Variants in EPHA4 observed in about 807,000 individuals in gnomAD.
The protein encoded by EPHA4 is EPH receptor A4.
EPHA4 carries 19 observed loss-of-function variants against 108.3 expected under a neutral mutation model. The ratio of observed to expected loss-of-function variants is 0.18; its 90% CI spans 0.12 to 0.26. The LOEUF (loss-of-function observed/expected upper bound fraction) is 0.26, where lower values mean the gene tolerates loss of function less well. Ranked by LOEUF, EPHA4 falls within the 10% of genes least tolerant of loss-of-function variation. The pLI, the probability that EPHA4 is intolerant of heterozygous loss-of-function variation, is 1.00. For synonymous variants in EPHA4, 449 were observed against 455.5 expected (o/e 0.99, Z 0.18); for missense variants, 917 against 1,254.0 (o/e 0.73, Z 4.06).
intron 3 of EPHA4, among the ~76,000 whole-genome samples, chr2:221,504,833 T>A (rs6708262): frequency 0.034 from 5,133 of 152,266 alleles, 294 homozygotes; most frequent in African/African-American, 0.12. Flanking sequence ...TCCAGGGTCA[T>A]ACAGTTAAGT....
chr2:221,450,758 A>G (rs532064274), intron 8 of EPHA4, among the ~76,000 whole-genome samples: 33 of 152,306 alleles, frequency 2.2e-4, no homozygotes, highest in South Asian at 2.1e-3. Flanking sequence ...CATAAATGGA[A>G]ACCCACTGTC....
At chr2:221,516,931 G>A (rs1326972144) in intron 3 of EPHA4, among the ~76,000 whole-genome samples, 1 of 152,132 alleles carries the variant, frequency 6.6e-6, no homozygotes, top group African/African-American at 2.4e-5. Context: ...AAGCACTCCT[G>A]TGCTCTTTTT....
intron 17 of EPHA4, among the ~76,000 whole-genome samples, chr2:221,421,377 G>T (rs1371957492): frequency 1.3e-5 from 2 of 152,162 alleles, no homozygotes; most frequent in African/African-American, 4.8e-5. Context: ...TAACAAGAGA[G>T]TAACTCCTGA....
At chr2:221,485,772 G>A (rs1691957257) in intron 4 of EPHA4, among the ~76,000 whole-genome samples, 1 of 152,116 alleles carries the variant, frequency 6.6e-6, no homozygotes, top group African/African-American at 2.4e-5. Flanking sequence ...TCTTTAGGAG[G>A]AGGAGAATAA....
rs1694829068 is a variant in EPHA4 at position 221,571,272 on chromosome 2, A to G, written c.91+886T>C. Among the ~76,000 whole-genome samples, 1 of 151,022 alleles carries G rather than the reference A, an allele frequency of 6.6e-6. No homozygotes were observed. The highest frequency in any genetic ancestry group is 2.1e-4 in the South Asian group (1 of 4,776). Reference sequence around the variant, plus strand: ...ACCACACATACACACACACACACACACAGTTCGCCTCTCCCTGGGTTTCTC... The same window carrying G: ...ACCACACATACACACACACACACACGCAGTTCGCCTCTCCCTGGGTTTCTC... On this transcript the variant is annotated intron_variant, in intron 1 of 17. Transcript: ENST00000281821. The surrounding 1 kb of genome is among the most constrained non-coding windows in gnomAD (Gnocchi z 6.3).
chr2:221,459,485 TG>T (rs1691074856), intron 5 of EPHA4, among the ~76,000 whole-genome samples: 1 of 151,824 alleles, frequency 6.6e-6, no homozygotes, highest in Non-Finnish European at 1.5e-5. Context: ...TGGAAGCCAC[TG>T]AACATCTGAG....
At chr2:221,447,107 T>C (rs1003485312) in intron 8 of EPHA4, among the ~76,000 whole-genome samples, 2 of 152,166 alleles carry the variant, frequency 1.3e-5, no homozygotes, top group African/African-American at 2.4e-5. Context: ...GGAGAATATA[T>C]ATCACTTAAA....
chr2:221,486,361 G>A (rs1396405450), intron 4 of EPHA4, among the ~76,000 whole-genome samples: 1 of 152,070 alleles, frequency 6.6e-6, no homozygotes, highest in Non-Finnish European at 1.5e-5. Flanking sequence ...TGCTTTGTTT[G>A]TAACATATAA....
At chr2:221,440,432 A>G (rs2106103239) in intron 11 of EPHA4, among the ~76,000 whole-genome samples, 1 of 152,288 alleles carries the variant, frequency 6.6e-6, no homozygotes, top group South Asian at 2.1e-4. Context: ...AAGTATTTAA[A>G]GGGAATGTTA....
At chr2:221,489,066 C>T (rs1692062176) in intron 4 of EPHA4, among the ~76,000 whole-genome samples, 2 of 152,186 alleles carry the variant, frequency 1.3e-5, no homozygotes, top group African/African-American at 2.4e-5. Flanking sequence ...TCAGCCAACA[C>T]TAAACCTAAA....
intron 9 of EPHA4, among the ~76,000 whole-genome samples, chr2:221,445,052 C>T (rs962885165): frequency 6.6e-6 from 1 of 152,074 alleles, no homozygotes; most frequent in East Asian, 1.9e-4. Flanking sequence ...GCCACTGTGC[C>T]CGGCCAATCT....
chr2:221,524,703 T>G (rs1574633883), intron 3 of EPHA4, among the ~76,000 whole-genome samples: 1 of 152,218 alleles, frequency 6.6e-6, no homozygotes, highest in Non-Finnish European at 1.5e-5. Flanking sequence ...TGACTTAACC[T>G]GGGAAGATAC....
chr2:221,538,935 G>A (rs529482852), intron 3 of EPHA4, among the ~76,000 whole-genome samples: 2 of 152,296 alleles, frequency 1.3e-5, no homozygotes, highest in Admixed American at 1.3e-4. Flanking sequence ...AGGTGCTATA[G>A]TGAATGCAAA....
At chr2:221,446,701 T>A (rs922407829) in intron 8 of EPHA4, among the ~76,000 whole-genome samples, 4 of 152,218 alleles carry the variant, frequency 2.6e-5, no homozygotes, top group Non-Finnish European at 5.9e-5. Context: ...CATTATCATA[T>A]TACATGATAC....
intron 3 of EPHA4, among the ~76,000 whole-genome samples, chr2:221,511,112 A>G (rs1038367858): frequency 6.6e-6 from 1 of 152,198 alleles, no homozygotes; most frequent in Non-Finnish European, 1.5e-5. Flanking sequence ...TATTTTTGGA[A>G]AAAAACATAA....
intron 3 of EPHA4, among the ~76,000 whole-genome samples, chr2:221,527,151 A>G (rs761205395): frequency 6.6e-6 from 1 of 152,074 alleles, no homozygotes; most frequent in South Asian, 2.1e-4. Flanking sequence ...TGAATCTACT[A>G]CTTTGTCCTT....
Position 221,458,005 on chromosome 2 carries a change from CA to C in EPHA4, c.1319-16del. The C allele has an allele frequency of 6.3e-7, 1 of 1,598,638 alleles. No individual in the cohort carries two copies. Among genetic ancestry groups the C allele is most frequent in the Non-Finnish European group, 8.5e-7 (1 of 1,174,302 alleles). On this transcript the variant is annotated splice_polypyrimidine_tract_variant and intron_variant, in intron 5 of 17. Transcript: ENST00000281821. ...GGATGATGGTGCTGTTAGAAAAAAA[CA>C]AAAGACAAAAGATATTTTCTTTAGG...
chr2:221,551,781 T>C (rs958233827), intron 3 of EPHA4, among the ~76,000 whole-genome samples: 2 of 152,100 alleles, frequency 1.3e-5, no homozygotes, highest in Non-Finnish European at 1.5e-5. Flanking sequence ...CCAAATCTTT[T>C]AAAGACGCTT....
In EPHA4 at chr2:221,419,450, A is replaced by T. The variant is rs552818121; in HGVS notation, c.*1922T>A. ...AAAGCTGACACACATATCTACGTTCATCTCCAAAAGTATATGAATTGCATA... is the reference window on the plus strand; with the variant it reads ...AAAGCTGACACACATATCTACGTTCTTCTCCAAAAGTATATGAATTGCATA... On this transcript the variant is annotated 3_prime_UTR_variant, in exon 18 of 18. Transcript: ENST00000281821. 2 of 152,674 alleles carry T rather than the reference A, an allele frequency of 1.3e-5. No homozygotes were observed. Among genetic ancestry groups the T allele is most frequent in the African/African-American group, 4.8e-5 (2 of 41,458 alleles). The allele number at this position is 152,674 out of a possible 1,614,324, so 9.5% of individuals were successfully genotyped here. A position where few individuals can be genotyped will look rare whatever the true frequency, so the allele number is the denominator to read the frequency against.
Sources: allele counts gnomAD v4.1 joint callset (sites outside exome capture counted in the v4.1 genomes callset), GRCh38; gene constraint gnomAD v4.1.1; non-coding constraint Gnocchi (gnomAD v3.1); transcripts MANE v1.5; gene names NCBI Gene and HGNC (gene_info 2026-07-23, HGNC 2026-07-21).